The following PAFAH2 variants were observed in gnomAD, a reference collection of about 807,000 sequenced individuals.
PAFAH2 encodes the protein platelet activating factor acetylhydrolase 2, also known as platelet-activating factor acetylhydrolase 2, cytoplasmic.
Under a neutral mutation model 49.0 loss-of-function variants are expected in PAFAH2, and 42 were observed. The observed-to-expected ratio is 0.86, with a 90% CI of 0.67 to 1.11. The LOEUF (loss-of-function observed/expected upper bound fraction) is 1.11. Among genes scored for constraint, PAFAH2 ranks in the 50% least tolerant of loss-of-function variants. PAFAH2 has a pLI of 0.00. For synonymous variants in PAFAH2, 184 were observed against 181.3 expected (o/e 1.01, Z -0.12); for missense variants, 503 against 501.8 (o/e 1.00, Z -0.02).
Position 25,976,696 on chromosome 1 carries a change from C to A in PAFAH2, c.744G>T (p.Lys248Asn). 1 of 1,614,150 alleles carries A rather than the reference C, an allele frequency of 6.2e-7. No homozygotes were observed. The highest frequency in any genetic ancestry group is 8.5e-7 in the Non-Finnish European group (1 of 1,179,950). The change falls in exon 8 of 11, where the codon AAG becomes AAT. Residue 248 changes from lysine to asparagine, a missense_variant. By Grantham distance (94) the Lys-to-Asn change is moderately conservative (BLOSUM62 0). Transcript: ENST00000374282. ...AGGAAACTCACCGAAATTGGGTCTC[C>A]TTGGCCAAAGCCAGAATAGCTGTGG... ...GGATAILALA[K>N]ETQFRCAVAL... is the part of the protein sequence containing the mutation.
chr1:25,972,447 A>G, intron 10 of PAFAH2, 111 bp downstream of exon 10: 1 of 1,254,680 alleles, frequency 8.0e-7, no homozygotes, highest in Non-Finnish European at 1.1e-6. Flanking sequence ...CAGGTTTTCC[A>G]TTTGCCATAA....
At chr1:25,989,846 G>C (rs181214475) in intron 2 of PAFAH2, among the ~76,000 whole-genome samples, 1 of 152,282 alleles carries the variant, frequency 6.6e-6, no homozygotes, top group Admixed American at 6.5e-5. Flanking sequence ...CATTGTGGGA[G>C]GGGGCACCAA....
At chr1:25,981,258 C>G (rs1208525610) in intron 7 of PAFAH2, among the ~76,000 whole-genome samples, 1 of 151,682 alleles carries the variant, frequency 6.6e-6, no homozygotes, top group African/African-American at 2.4e-5. Context: ...GTAAAAATAA[C>G]TGGAAGGACA....
At chr1:25,976,859 A>C in intron 7 of PAFAH2, 86 bp from the exon 8 acceptor site, 1 of 998,580 alleles carries the variant, frequency 1.0e-6, no homozygotes, top group Non-Finnish European at 1.6e-6. Context: ...AGAAATAGTG[A>C]GGCAATGAGG....
intron 9 of PAFAH2, among the ~76,000 whole-genome samples, chr1:25,974,055 G>A (rs977751392): frequency 6.6e-6 from 1 of 152,146 alleles, no homozygotes; most frequent in Non-Finnish European, 1.5e-5. Flanking sequence ...TGTTAACAGT[G>A]ATCTGTGATT....
rs191695683 is a variant in PAFAH2, at chr1:25,979,733, G to A, written c.666+2631C>T. ...TCGAACTCCTGACCTAAGGTGGTCC[G>A]CCCGCCTCAGCCTCCCAAAGTGCTG... On this transcript the variant is annotated intron_variant, in intron 7 of 10. Transcript: ENST00000374282. Among the ~76,000 whole-genome samples, 32 of 151,928 alleles carry A rather than the reference G, an allele frequency of 2.1e-4. No individual in the cohort carries two copies. The East Asian group carries it at 5.6e-3, about 27-fold the overall frequency.
intron 7 of PAFAH2, among the ~76,000 whole-genome samples, chr1:25,978,734 T>A (rs4659400): frequency 0.54 from 82,152 of 152,078 alleles, 25,187 homozygotes; most frequent in East Asian, 0.7. Context: ...TAGAGCCATA[T>A]GAGATTATAA....
intron 10 of PAFAH2, among the ~76,000 whole-genome samples, chr1:25,966,925 G>T (rs546650553): frequency 2.0e-5 from 3 of 151,682 alleles, no homozygotes; most frequent in Non-Finnish European, 4.4e-5. Flanking sequence ...CCAGCTACTC[G>T]GGAGGCTGAG....
At chr1:25,994,500 G>C (rs2049914123) in intron 1 of PAFAH2, among the ~76,000 whole-genome samples, 1 of 152,082 alleles carries the variant, frequency 6.6e-6, no homozygotes, top group Non-Finnish European at 1.5e-5. Context: ...TGTACAATGG[G>C]AACACTATCC....
intron 6 of PAFAH2, among the ~76,000 whole-genome samples, chr1:25,983,398 T>A (rs1028493635): frequency 1.3e-5 from 2 of 149,844 alleles, no homozygotes; most frequent in African/African-American, 2.5e-5. Flanking sequence ...AAAATAAAAA[T>A]AAAAAAAAAT....
chr1:25,984,492 T>A lies in PAFAH2; in HGVS notation c.378A>T (p.Ser126=), dbSNP rs2049748829. 1.2e-6 allele frequency: 2 copies of A among 1,613,942 alleles called. No homozygotes were observed. Among genetic ancestry groups the A allele is most frequent in the East Asian group, 4.5e-5 (2 of 44,862 alleles). ...CTGGCACAGCAACCACAAAGCCACG[T>A]GAGGCCAGCTCCATGCAGAAGGCTG... The part of the protein sequence containing the change: ...LYSAFCMELA[S]RGFVVAVPEH... Residue 126 remains serine (S), a synonymous_variant, in exon 5 of 11, where the codon TCA becomes TCT. Transcript: ENST00000374282.
At chr1:25,976,535 T>C (rs900109363) in intron 8 of PAFAH2, 147 bp downstream of exon 8, 3 of 608,826 alleles carry the variant, frequency 4.9e-6, no homozygotes, top group African/African-American at 3.7e-5. Context: ...TATAATCCCA[T>C]GAAATCAGAG....
intron 10 of PAFAH2, among the ~76,000 whole-genome samples, chr1:25,964,670 G>GAACAA (rs202010961): frequency 0.021 from 3,124 of 151,692 alleles, 54 homozygotes; most frequent in Non-Finnish European, 0.033. Flanking sequence ...ACAAAAACAA[G>GAACAA]AACAAAACAA....
chr1:25,977,427 G>A (rs1282726666), intron 7 of PAFAH2, among the ~76,000 whole-genome samples: 1 of 151,626 alleles, frequency 6.6e-6, no homozygotes, highest in Non-Finnish European at 1.5e-5. Context: ...AAGGCGGGCG[G>A]ATTGCTTGAG....
At chr1:25,996,405 C>T (rs2049937160) in intron 1 of PAFAH2, among the ~76,000 whole-genome samples, 1 of 151,414 alleles carries the variant, frequency 6.6e-6, no homozygotes, top group African/African-American at 2.4e-5. Flanking sequence ...GGTGGGAGGC[C>T]GAGGCGGGCG....
intron 6 of PAFAH2, among the ~76,000 whole-genome samples, chr1:25,983,574 C>A (rs67475300): frequency 0.54 from 77,768 of 144,718 alleles, 23,677 homozygotes; most frequent in East Asian, 0.7. Context: ...AAAAAAAAAA[C>A]AACTTATGGT....
At chr1:25,994,815 G>A (rs913478245) in intron 1 of PAFAH2, among the ~76,000 whole-genome samples, 8 of 152,128 alleles carry the variant, frequency 5.3e-5, no homozygotes, top group African/African-American at 1.9e-4. Context: ...ACAGAAGACA[G>A]CAGAACTCTC....
intron 10 of PAFAH2, among the ~76,000 whole-genome samples, chr1:25,965,914 T>C (rs763746241): frequency 7.1e-6 from 1 of 141,594 alleles, no homozygotes; most frequent in Non-Finnish European, 1.5e-5. Context: ...AAAGTAGGCA[T>C]TCTGCAGAAA....
intron 7 of PAFAH2, among the ~76,000 whole-genome samples, chr1:25,980,626 T>TAG (rs1338099119): frequency 3.4e-5 from 5 of 147,300 alleles, no homozygotes; most frequent in African/African-American, 1.2e-4. Context: ...TATATATATA[T>TAG]ATATATTTTA....
Sources: allele counts gnomAD v4.1 joint callset (sites outside exome capture counted in the v4.1 genomes callset), GRCh38; gene constraint gnomAD v4.1.1; transcripts MANE v1.5; gene names NCBI Gene and HGNC (gene_info 2026-07-23, HGNC 2026-07-21).